The following KRT10 variants were observed in gnomAD, a reference collection of about 807,000 sequenced individuals.
KRT10 encodes keratin, type I cytoskeletal 10.
Under a neutral mutation model 59.2 loss-of-function variants are expected in KRT10, and 40 were observed. The ratio of observed to expected loss-of-function variants is 0.68; its 90% CI spans 0.52 to 0.88. The LOEUF is 0.88. Ranked by LOEUF, KRT10 falls within the 40% of genes least tolerant of loss-of-function variation. The probability of loss-of-function intolerance (pLI) is 0.00; values close to 1 mark genes in which losing one functional copy is unlikely to be tolerated. For missense variants in KRT10, 719 were observed against 749.1 expected (o/e 0.96, Z 0.47); for synonymous variants, 336 against 310.7 (o/e 1.08, Z -0.86).
Position 40,820,074 on chromosome 17 carries a change from A to G in KRT10, c.1130T>C (p.Ile377Thr), listed in dbSNP as rs765046809. The change falls in exon 5 of 8, where the codon ATA becomes ACA. Residue 377 changes from isoleucine (I) to threonine (T), a missense_variant. Physicochemically the swap from Ile to Thr is moderately conservative, Grantham distance 89. This residue lies in a region of KRT10 where 221 missense variants were observed against 277.8 expected (regional missense o/e 0.80). Coordinates refer to ENST00000269576, the MANE Select transcript of KRT10 (RefSeq NM_000421.5). ...ELRRNVQALE[I>T]ELQSQLALKQ... ...CAAGGCCAGTTGGGACTGTAGTTCT[A>G]TCTCCAGAGCTTGTACATTACGTCT... is the stretch of plus-strand genomic sequence containing the variant. 1.9e-6 allele frequency: 3 copies of G among 1,613,222 alleles called. No homozygotes were observed. Among genetic ancestry groups the G allele is most frequent in the East Asian group, 2.2e-5 (1 of 44,874 alleles).
In KRT10 at chr17:40,819,686, C is replaced by T; in HGVS notation, c.1204G>A (p.Val402Met). Residue 402 changes from valine (V) to methionine (M), a missense_variant, in exon 6 of 8, where the codon GTG (valine) becomes ATG (methionine). This residue lies in a region of KRT10 where 315 missense variants were observed against 270.6 expected (regional missense o/e 1.16). Coordinates refer to ENST00000269576, the MANE Select transcript of KRT10 (RefSeq NM_000421.5). ...SLAETEGRYC[V>M]QLSQIQAQIS... ...TGGGCCTGAATCTGTGAGAGCTGCA[C>T]ACAGTAGCGACCTTCTGTTTCTGCC... is the stretch of plus-strand genomic sequence containing the variant. The T allele has an allele frequency of 6.2e-7, 1 of 1,614,224 alleles. No individual in the cohort carries two copies. Among genetic ancestry groups the T allele is most frequent in the Non-Finnish European group, 8.5e-7 (1 of 1,180,046 alleles).
chr17:40,821,894 T>G (rs1905406986), intron 1 of KRT10, 65 bp downstream of exon 1: 4 of 1,550,154 alleles, frequency 2.6e-6, no homozygotes, highest in Non-Finnish European at 3.6e-6. Context: ...GTGCTTAATT[T>G]AAGATTCATC....
In KRT10 at chr17:40,819,541, C is replaced by T. The variant is rs756736481; in HGVS notation, c.1349G>A (p.Arg450His). ...CCTTCCCTCTCCTTCTAGCAGGCTG[C>T]GGTAGGTTTGAATTTCATTCTCCAG... ...IRLENEIQTY[R>H]SLLEGEGSSG... The change falls in exon 6 of 8, where the codon CGC (arginine) becomes CAC (histidine). Residue 450 changes from arginine to histidine, a missense_variant. By Grantham distance (29) the Arg-to-His change is conservative. Coordinates refer to ENST00000269576, the MANE Select transcript of KRT10 (RefSeq NM_000421.5). The T allele has an allele frequency of 1.2e-5, 20 of 1,613,930 alleles. No individual in the cohort carries two copies. The highest frequency in any genetic ancestry group is 3.3e-5 in the Admixed American group (2 of 60,010).
chr17:40,818,480 T>C lies in KRT10; in HGVS notation c.1751A>G (p.Tyr584Cys). The change falls in exon 8 of 8, where the codon TAC becomes TGC. Residue 584 changes from tyrosine to cysteine, a missense_variant and splice_region_variant. Coordinates refer to ENST00000269576, the MANE Select transcript of KRT10 (RefSeq NM_000421.5). Reference sequence around the variant, plus strand: ...GTCTTGATTACTCTGGTTTTGTTAGTATCTGTGTGAATGATGGAAAAAAAA... The same window carrying C: ...GTCTTGATTACTCTGGTTTTGTTAGCATCTGTGTGAATGATGGAAAAAAAA... ...VGESSSKGPRY is the reference protein window; with the variant it reads ...VGESSSKGPRC The C allele has an allele frequency of 1.2e-6, 2 of 1,603,450 alleles. No homozygotes were observed. The highest frequency in any genetic ancestry group is 1.7e-6 in the Non-Finnish European group (2 of 1,170,344).
chr17:40,819,447 T>G, intron 6 of KRT10, 70 bp downstream of exon 6: 1 of 1,453,222 alleles, frequency 6.9e-7, no homozygotes, highest in Non-Finnish European at 9.7e-7. Context: ...CTTCTTGGGG[T>G]TTAGATAAGC....
At position 40,818,463 on chromosome 17, in the gene KRT10, T is replaced by C; in HGVS notation, c.*13A>G. The C allele has an allele frequency of 1.2e-6, 2 of 1,612,606 alleles. No homozygotes were observed. The highest frequency in any genetic ancestry group is 1.7e-6 in the Non-Finnish European group (2 of 1,178,624). ...CCACCTCTTCAATAATTGTCTTGAT[T>C]ACTCTGGTTTTGTTAGTATCTGTGT... On this transcript the variant is annotated 3_prime_UTR_variant, in exon 8 of 8. Transcript: ENST00000269576.
At position 40,819,032 on chromosome 17, in the gene KRT10, G is replaced by A. The variant is rs1190311445; in HGVS notation, c.1503C>T (p.Gly501=). ...CGGAGCTTCCGCCGCCGGAGCTTCC[G>A]CCTCCGTAGCCGCCGCCGGAACTGC... ...HGGSSGGGYG[G]GSSGGGSSGG... is the part of the protein sequence containing the mutation. Residue 501 remains glycine, a synonymous_variant, in exon 7 of 8, where the codon GGC becomes GGT. Transcript: ENST00000269576. 4 of 1,376,260 alleles carry A rather than the reference G, an allele frequency of 2.9e-6. No individual in the cohort carries two copies. Among genetic ancestry groups the A allele is most frequent in the African/African-American group, 1.5e-5 (1 of 65,852 alleles). 85.3% of individuals were successfully genotyped at this position (1,376,260 alleles called of 1,614,324 possible). A position where few individuals can be genotyped will look rare whatever the true frequency, so the allele number is the denominator to read the frequency against.
intron 2 of KRT10, among the ~76,000 whole-genome samples, 174 bp from the exon 3 acceptor site, chr17:40,820,841 TA>T (rs1228200901): frequency 3.3e-5 from 5 of 152,250 alleles, no homozygotes; most frequent in Non-Finnish European, 5.9e-5. Context: ...GCAGTTACTT[TA>T]AAATGCATTT....
At chr17:40,820,896 T>C in intron 2 of KRT10, 139 bp downstream of exon 2, 1 of 897,678 alleles carries the variant, frequency 1.1e-6, no homozygotes, top group Non-Finnish European at 1.8e-6. Flanking sequence ...ACATGGAAAA[T>C]TTCTCAGATA....
At position 40,819,501 on chromosome 17, in the gene KRT10, T is replaced by G. The variant is rs1284557508; in HGVS notation, c.1373+16A>C. 6.2e-7 allele frequency: 1 copy of G among 1,605,794 alleles called. No individual in the cohort carries two copies. ...GAATAAAAGAAACTGGGATAACTTT[T>G]CATTTTAAAATTTACCTTCCCTCTC... On this transcript the variant is annotated intron_variant, in intron 6 of 7. Coordinates refer to ENST00000269576, the MANE Select transcript of KRT10 (RefSeq NM_000421.5).
At chr17:40,818,745 A>C in intron 7 of KRT10, 42 bp downstream of exon 7, 1 of 1,583,136 alleles carries the variant, frequency 6.3e-7, no homozygotes, top group Non-Finnish European at 8.5e-7. Context: ...CATCACAGGA[A>C]GTTAAAACTA....
chr17:40,821,008 G>C (rs768815401), intron 2 of KRT10, 27 bp downstream of exon 2: 1 of 1,522,922 alleles, frequency 6.6e-7, no homozygotes, highest in Admixed American at 1.7e-5. Context: ...CGTTGTGATA[G>C]TATTATACAA....
chr17:40,819,358 T>A, intron 6 of KRT10, 159 bp downstream of exon 6: 1 of 1,326,740 alleles, frequency 7.5e-7, no homozygotes. Flanking sequence ...GCCAAATTCA[T>A]GAGAAAGTGA....
Position 40,820,400 on chromosome 17 carries a change from C to T in KRT10, c.891G>A (p.Val297=). 1 of 1,614,218 alleles carries T rather than the reference C, an allele frequency of 6.2e-7. No individual in the cohort carries two copies. Among genetic ancestry groups the T allele is most frequent in the South Asian group, 1.1e-5 (1 of 91,088 alleles). The change falls in exon 4 of 8, where the codon GTG becomes GTA. Residue 297 remains valine, a synonymous_variant. Coordinates refer to ENST00000269576, the MANE Select transcript of KRT10 (RefSeq NM_000421.5). Reference sequence around the variant, plus strand: ...TTTCCACATTCACATCACCAGTGGACACATTTCGAAGGTCTTTCATTTCCT... The same window carrying T: ...TTTCCACATTCACATCACCAGTGGATACATTTCGAAGGTCTTTCATTTCCT... ...HEEEMKDLRN[V]STGDVNVEMN...
Position 40,821,254 on chromosome 17 carries a change from T to C in KRT10, c.628-137A>G, listed in dbSNP as rs1273857063. On this transcript the variant is annotated intron_variant, in intron 1 of 7. Transcript: ENST00000269576. ...AATTTTTTATTTTAAATATGAAATA[T>C]TGCAGGCTTACCCATATACTTAACT... is the stretch of plus-strand genomic sequence containing the variant. The C allele has an allele frequency of 4.3e-6, 3 of 690,538 alleles. No individual in the cohort carries two copies. The African/African-American group carries it at 5.3e-5, about 12-fold the overall frequency. The allele number at this position is 690,538 out of a possible 1,614,324, so 42.8% of individuals were successfully genotyped here.
rs745725994 is a variant in KRT10, at chr17:40,821,960, T to G, written c.626A>C (p.Gln209Pro). 1.9e-6 allele frequency: 3 copies of G among 1,613,992 alleles called. No homozygotes were observed. Among genetic ancestry groups the G allele is most frequent in the Non-Finnish European group, 2.5e-6 (3 of 1,179,856 alleles). Residue 209 changes from glutamine to proline, a missense_variant and splice_region_variant, in exon 1 of 8, where the codon CAG (glutamine) becomes CCG (proline). Physicochemically the swap from Gln to Pro is moderately conservative, Grantham distance 76. This residue lies in a region of KRT10 where 221 missense variants were observed against 277.8 expected (regional missense o/e 0.80). Transcript: ENST00000269576. ...GCTGGATTTAAAAATACCTCTTACC[T>G]GATTTTTAAGGTCATCGATGGTTTT... ...YYKTIDDLKN[Q>P]ILNLTTDNAN...
chr17:40,820,249 A>T lies in KRT10; in HGVS notation c.1029+13T>A. 5 of 1,614,214 alleles carry T rather than the reference A, an allele frequency of 3.1e-6. No homozygotes were observed. Among genetic ancestry groups the T allele is most frequent in the Non-Finnish European group, 4.2e-6 (5 of 1,180,022 alleles). ...AACCTCCATGAGTTTCACTATAAGG[A>T]AGATTACTTTACCTTTTCATTGAAC... On this transcript the variant is annotated intron_variant, in intron 4 of 7. Coordinates refer to ENST00000269576, the MANE Select transcript of KRT10 (RefSeq NM_000421.5).
At position 40,822,231 on chromosome 17, in the gene KRT10, C is replaced by A; in HGVS notation, c.355G>T (p.Gly119Ter). Residue 119 changes from glycine to a stop codon, truncating the protein, a stop_gained, in exon 1 of 8, where the codon GGA becomes TGA. Coordinates refer to ENST00000269576, the MANE Select transcript of KRT10 (RefSeq NM_000421.5). LOFTEE classifies it high-confidence loss of function. ...GGSFGGGSFG[G>*]GGFGGGGFGG... ...AAGCCGCCTCCACCAAAGCCGCCTC[C>A]ACCAAAGCTGCCCCCACCAAAGCTG... 1 of 1,610,770 alleles carries A rather than the reference C, an allele frequency of 6.2e-7. No individual in the cohort carries two copies. The highest frequency in any genetic ancestry group is 1.3e-5 in the African/African-American group (1 of 74,932).
chr17:40,820,037 G>A lies in KRT10; in HGVS notation c.1155+12C>T. The A allele has an allele frequency of 6.2e-7, 1 of 1,612,262 alleles. No homozygotes were observed. The highest frequency in any genetic ancestry group is 8.5e-7 in the Non-Finnish European group (1 of 1,179,868). ...TGATAAAGTTGAAGTCATTTCATGA[G>A]AGTTAACATACCAAGGCCAGTTGGG... is the stretch of plus-strand genomic sequence containing the variant. On this transcript the variant is annotated intron_variant, in intron 5 of 7. Coordinates refer to ENST00000269576, the MANE Select transcript of KRT10 (RefSeq NM_000421.5).
Sources: gnomAD v4.1 joint callset for allele counts (sites outside exome capture counted in the v4.1 genomes callset) on GRCh38, gnomAD v4.1.1 for gene constraint, gnomAD v4.1.1 regional missense constraint, MANE v1.5 for transcripts, NCBI Gene and HGNC (gene_info 2026-07-23, HGNC 2026-07-21) for gene names.